The following SLC22A3 variants were observed in gnomAD, a reference collection of about 807,000 sequenced individuals.
SLC22A3 encodes the protein solute carrier family 22 member 3.
SLC22A3 carries 51 observed loss-of-function variants against 59.1 expected under a neutral mutation model. The observed-to-expected ratio is 0.86, with a 90% confidence interval of 0.69 to 1.09. SLC22A3 has a LOEUF of 1.09. Among genes scored for constraint, SLC22A3 ranks in the 50% least tolerant of loss-of-function variants. The pLI is 0.00. For missense variants in SLC22A3, 711 were observed against 726.3 expected (o/e 0.98, Z 0.24); for synonymous variants, 325 against 292.0 (o/e 1.11, Z -1.15).
In SLC22A3 at chr6:160,361,925, G is replaced by A. The variant is rs924928445; in HGVS notation, c.429+13077G>A. Among the ~76,000 whole-genome samples the A allele has an allele frequency of 2.0e-5, 3 of 152,198 alleles. No homozygotes were observed. The East Asian group carries it at 5.8e-4, about 29-fold the overall frequency. On this transcript the variant is annotated intron_variant, in intron 1 of 10. Coordinates refer to ENST00000275300, the MANE Select transcript of SLC22A3 (RefSeq NM_021977.4). ...GGGGAGCTTTCCCCTTCTAATACTA[G>A]GTCAGTTTCTGTGTGGTAACTTGAG...
At position 160,382,200 on chromosome 6, in the gene SLC22A3, T is replaced by C. The variant is rs1018272503; in HGVS notation, c.430-15779T>C. Among the ~76,000 whole-genome samples, 34 of 152,156 alleles carry C rather than the reference T, an allele frequency of 2.2e-4. 1 individual carries two copies. The highest frequency in any genetic ancestry group is 8.0e-4 in the African/African-American group (33 of 41,436). The stretch of plus-strand genomic sequence containing the variant: ...TACATTTCCTGAATCCATGTGCACG[T>C]TGGGTGATAGGAAGCTGAGGCCCTG... On this transcript the variant is annotated intron_variant, in intron 1 of 10. Coordinates refer to ENST00000275300, the MANE Select transcript of SLC22A3 (RefSeq NM_021977.4).
Position 160,442,864 on chromosome 6 carries a change from A to G in SLC22A3, c.1392A>G (p.Thr464=). The change falls in exon 8 of 11, where the codon ACA becomes ACG. Residue 464 remains threonine, a synonymous_variant. Coordinates refer to ENST00000275300, the MANE Select transcript of SLC22A3 (RefSeq NM_021977.4). ...YLVNSELYPT[T]LRNFGVSLCS... is the part of the protein sequence containing the mutation. ...TAAATTCAGAATTGTACCCAACAAC[A>G]TTACGGTAATTCTAACAAACGTTAT... 6.2e-7 allele frequency: 1 copy of G among 1,606,004 alleles called. No homozygotes were observed. The highest frequency in any genetic ancestry group is 8.5e-7 in the Non-Finnish European group (1 of 1,172,576).
chr6:160,393,163 A>G (rs995231347), intron 1 of SLC22A3, among the ~76,000 whole-genome samples: 4 of 152,058 alleles, frequency 2.6e-5, no homozygotes, highest in Non-Finnish European at 5.9e-5. Context: ...GAATTTGTTC[A>G]AGAGGGCTAA....
intron 5 of SLC22A3, among the ~76,000 whole-genome samples, chr6:160,426,614 A>G (rs949161412): frequency 6.6e-6 from 1 of 152,106 alleles, no homozygotes; most frequent in Non-Finnish European, 1.5e-5. Flanking sequence ...TTTTCACTCA[A>G]CTATGTGTTT....
chr6:160,378,145 A>G (rs1304849924), intron 1 of SLC22A3, among the ~76,000 whole-genome samples: 6 of 152,230 alleles, frequency 3.9e-5, no homozygotes, highest in African/African-American at 1.4e-4. Flanking sequence ...GGCTGTGAAG[A>G]TTCTAGAATA....
chr6:160,363,069 C>T (rs1315708423), intron 1 of SLC22A3, among the ~76,000 whole-genome samples: 1 of 152,212 alleles, frequency 6.6e-6, no homozygotes, highest in African/African-American at 2.4e-5. Flanking sequence ...CAGGCAGACG[C>T]GGGGCATCGC....
chr6:160,443,971 G>A (rs777786605), intron 9 of SLC22A3, among the ~76,000 whole-genome samples: 7 of 152,116 alleles, frequency 4.6e-5, no homozygotes, highest in Non-Finnish European at 8.8e-5. Context: ...ATATTAAAGG[G>A]TGCTGATAAA....
intron 5 of SLC22A3, among the ~76,000 whole-genome samples, chr6:160,418,033 T>C (rs1427884300): frequency 1.3e-5 from 2 of 152,176 alleles, no homozygotes; most frequent in African/African-American, 4.8e-5. Flanking sequence ...GATGGTAAAG[T>C]GTCAACTTGA....
chr6:160,387,509 A>G (rs1214381874), intron 1 of SLC22A3, among the ~76,000 whole-genome samples: 1 of 152,236 alleles, frequency 6.6e-6, no homozygotes, highest in Non-Finnish European at 1.5e-5. Flanking sequence ...TTTCTTTGCT[A>G]CAGGATTTGT....
intron 3 of SLC22A3, 108 bp downstream of exon 3, chr6:160,407,303 G>A (rs867774689): frequency 6.2e-6 from 7 of 1,132,900 alleles, no homozygotes; most frequent in Non-Finnish European, 8.8e-6. Context: ...AACAAAGGAG[G>A]TTTCACTGCA....
At chr6:160,394,663 C>A (rs1786399944) in intron 1 of SLC22A3, among the ~76,000 whole-genome samples, 1 of 152,190 alleles carries the variant, frequency 6.6e-6, no homozygotes, top group South Asian at 2.1e-4. Context: ...AAACAGAAAC[C>A]AGGCTAGGTA....
At position 160,419,504 on chromosome 6, in the gene SLC22A3, T is replaced by A. The variant is rs1035672329; in HGVS notation, c.975+8658T>A. On this transcript the variant is annotated intron_variant, in intron 5 of 10. Transcript: ENST00000275300. The stretch of plus-strand genomic sequence containing the variant: ...TTGAAATCTCTCTTCGGGGAATTCA[T>A]TTCAAAAGATCCAGATAACATAGTT... 7.2e-5 allele frequency among the ~76,000 whole-genome samples: 11 copies of A among 152,328 alleles called. No individual in the cohort carries two copies. In the East Asian group the frequency reaches 2.1e-3, roughly 29 times the overall value.
chr6:160,434,221 C>T (rs376764692), intron 5 of SLC22A3, among the ~76,000 whole-genome samples: 42 of 152,314 alleles, frequency 2.8e-4, no homozygotes, highest in Admixed American at 1.2e-3. Context: ...ATTATCTAGT[C>T]AAATTTTTTT....
At chr6:160,435,824 G>A (rs1010788516) in intron 5 of SLC22A3, among the ~76,000 whole-genome samples, 7 of 152,144 alleles carry the variant, frequency 4.6e-5, no homozygotes, top group African/African-American at 1.7e-4. Context: ...ATATGACCAG[G>A]GCACTTGACT....
rs1784545889 is a variant in SLC22A3 at position 160,348,507 on chromosome 6, G to A, written c.88G>A (p.Val30Ile). The change falls in exon 1 of 11, where the codon GTC becomes ATC. Residue 30 changes from valine to isoleucine, a missense_variant. Transcript: ENST00000275300. The part of the protein sequence containing the change: ...RVFLLLCLTG[V>I]TFAFLFVGVV... ...GTTTTTGCTGCTGTGCCTGACGGGC[G>A]TCACCTTCGCCTTCCTCTTCGTCGG... 3.2e-6 allele frequency: 5 copies of A among 1,563,668 alleles called. No individual in the cohort carries two copies. The highest frequency in any genetic ancestry group is 4.3e-6 in the Non-Finnish European group (5 of 1,162,184).
chr6:160,348,758 A>ATAGCTCTCAGCGCTATGCTATGCGCT lies in SLC22A3; in HGVS notation c.339_340insTAGCTCTCAGCGCTATGCTATGCGCT (p.Leu114Ter), dbSNP rs1487389879. The ATAGCTCTCAGCGCTATGCTATGCGCT allele has an allele frequency of 5.2e-6, 8 of 1,541,330 alleles. No individual in the cohort carries two copies. The highest frequency in any genetic ancestry group is 6.1e-6 in the Non-Finnish European group (7 of 1,149,950). On this transcript the variant is annotated stop_gained and frameshift_variant, in exon 1 of 11. Coordinates refer to ENST00000275300, the MANE Select transcript of SLC22A3 (RefSeq NM_021977.4). LOFTEE classifies it high-confidence loss of function. ...CTAGCGCTCTCAGCTGCGCGGACCC[A>ATAGCTCTCAGCGCTATGCTATGCGCT]CTCGCCGCCTTCCCCAACCGCTCGG...
intron 1 of SLC22A3, among the ~76,000 whole-genome samples, chr6:160,397,484 C>T (rs1786528165): frequency 6.6e-6 from 1 of 151,742 alleles, no homozygotes; most frequent in East Asian, 1.9e-4. Context: ...TCCTATAATC[C>T]CAGCACTTTG....
intron 1 of SLC22A3, among the ~76,000 whole-genome samples, chr6:160,351,334 C>T (rs1784653246): frequency 2.0e-5 from 3 of 152,172 alleles, no homozygotes; most frequent in South Asian, 4.1e-4. Flanking sequence ...CCAGGATGGT[C>T]TCGATCTCCT....
chr6:160,368,022 A>G (rs1785267393), intron 1 of SLC22A3, among the ~76,000 whole-genome samples: 2 of 151,800 alleles, frequency 1.3e-5, no homozygotes, highest in Admixed American at 6.6e-5. Context: ...CTCCCAGTAC[A>G]TGCTGCTCTG....
Sources: allele counts gnomAD v4.1 joint callset (sites outside exome capture counted in the v4.1 genomes callset), GRCh38; gene constraint gnomAD v4.1.1; transcripts MANE v1.5; gene names NCBI Gene and HGNC (gene_info 2026-07-23, HGNC 2026-07-21).